MT4: variants seen among roughly 807,000 people sequenced by gnomAD.
The protein encoded by MT4 is metallothionein 4, also known as metallothionein-4.
In MT4, 11 loss-of-function variants were observed where a neutral mutation model predicts 9.5. That is an observed-to-expected ratio of 1.16 (90% CI 0.73 to 1.92). MT4 has a LOEUF of 1.92. Among genes scored for constraint, MT4 ranks in the 30% most tolerant of loss-of-function variants. MT4 has a pLI of 0.00. For missense variants in MT4, 88 were observed against 78.7 expected (o/e 1.12, Z -0.45); for synonymous variants, 29 against 24.6 (o/e 1.18, Z -0.53).
At chr16:56,568,434 G>A (rs1490889938) in intron 2 of MT4, among the ~76,000 whole-genome samples, 1 of 152,058 alleles carries the variant, frequency 6.6e-6, no homozygotes, top group African/African-American at 2.4e-5. Flanking sequence ...GATCTGAAAT[G>A]AGAACTATGT....
Position 56,568,846 on chromosome 16 carries a change from T to C in MT4, c.103T>C (p.Cys35Arg). Residue 35 changes from cysteine (C) to arginine (R), a missense_variant, in exon 3 of 3, where the codon TGT (cysteine) becomes CGT (arginine). Physicochemically the swap from Cys to Arg is radical, Grantham distance 180. Transcript: ENST00000219162. ...CNCKTYWKSCCPCCPPGCAKC... is the reference protein window; with the variant it reads ...CNCKTYWKSCRPCCPPGCAKC... ...GCATCTCCTGACTCTTTCAGGCTGC[T>C]GTCCCTGCTGCCCCCCGGGCTGTGC... 1 of 1,600,958 alleles carries C rather than the reference T, an allele frequency of 6.2e-7. No individual in the cohort carries two copies. Among genetic ancestry groups the C allele is most frequent in the Non-Finnish European group, 8.5e-7 (1 of 1,173,394 alleles).
Position 56,565,115 on chromosome 16 carries a change from C to G in MT4, c.-14C>G, listed in dbSNP as rs775431650. On this transcript the variant is annotated 5_prime_UTR_variant, in exon 1 of 3. Coordinates refer to ENST00000219162, the MANE Select transcript of MT4 (RefSeq NM_032935.3). The stretch of plus-strand genomic sequence containing the variant: ...CAGCCGTGACAGCACTGGAGCCTTT[C>G]GGACACCTGGACCATGGACCCCAGG... The G allele has an allele frequency of 6.2e-7, 1 of 1,613,242 alleles. No homozygotes were observed.
rs200521830 is a variant in MT4 at position 56,565,202 on chromosome 16, A to G, written c.31+43A>G. ...CCCTGGGGTCTGGGAACCTTGGACCAGCTTCCTACAGGGAGCCTGCAGGTC... is the reference window on the plus strand; with the variant it reads ...CCCTGGGGTCTGGGAACCTTGGACCGGCTTCCTACAGGGAGCCTGCAGGTC... On this transcript the variant is annotated intron_variant, in intron 1 of 2. Coordinates refer to ENST00000219162, the MANE Select transcript of MT4 (RefSeq NM_032935.3). 358 of 1,596,536 alleles carry G rather than the reference A, an allele frequency of 2.2e-4. 2 individuals carry two copies. Among genetic ancestry groups the G allele is most frequent in the Non-Finnish European group, 2.8e-4 (330 of 1,172,042 alleles).
At chr16:56,565,837 G>A (rs1337574710) in intron 1 of MT4, among the ~76,000 whole-genome samples, 1 of 152,170 alleles carries the variant, frequency 6.6e-6, no homozygotes, top group East Asian at 1.9e-4. Context: ...GCTGAGGCAG[G>A]AGAATCACTT....
chr16:56,566,853 AAG>A (rs1959543230), intron 1 of MT4, among the ~76,000 whole-genome samples: 1 of 149,746 alleles, frequency 6.7e-6, no homozygotes, highest in African/African-American at 2.5e-5. Context: ...GAAAGAAAGA[AAG>A]AAATGAGGGA....
At chr16:56,568,260 AGAGAGAGAGAG>A (rs1959573630) in intron 2 of MT4, among the ~76,000 whole-genome samples, 1 of 81,762 alleles carries the variant, frequency 1.2e-5, no homozygotes, top group South Asian at 5.4e-4. Flanking sequence ...AGAAAGAAAG[AGAGAGAGAGAG>A]AGAAAGAAAG....
At chr16:56,566,725 A>AAGGAAGGAAG (rs1959526346) in intron 1 of MT4, among the ~76,000 whole-genome samples, 1 of 25,108 alleles carries the variant, frequency 4.0e-5, no homozygotes, top group African/African-American at 1.1e-4. Context: ...AAAGAAAGAA[A>AAGGAAGGAAG]GAAAGAAAGA....
intron 2 of MT4, among the ~76,000 whole-genome samples, chr16:56,568,215 GAAAGAAAGAA>G (rs1377684847): frequency 8.4e-5 from 2 of 23,792 alleles, no homozygotes; most frequent in African/African-American, 1.2e-4. Flanking sequence ...GAGAGAGAGA[GAAAGAAAGAA>G]AGAAAGAAAG....
chr16:56,566,769 GGAAAGAAAGAAAGAAAGAAAGAAAGAAA>G (rs1162747493), intron 1 of MT4, among the ~76,000 whole-genome samples: 7 of 36,936 alleles, frequency 1.9e-4, no homozygotes, highest in South Asian at 9.4e-4. Flanking sequence ...AAGGAAGGAA[GGAAAGAAAGAAAGAAAGAAAGAAAGAAA>G]GAAAGAAAGA....
At chr16:56,568,235 GAA>G (rs561544117) in intron 2 of MT4, among the ~76,000 whole-genome samples, 8,353 of 45,522 alleles carry the variant, frequency 0.18, 700 homozygotes, top group Non-Finnish European at 0.26. Context: ...AAGAAAGAAA[GAA>G]AGAAAGAAAG....
chr16:56,565,386 AG>A (rs1163494512), intron 1 of MT4, among the ~76,000 whole-genome samples: 5 of 152,310 alleles, frequency 3.3e-5, no homozygotes, highest in Admixed American at 6.5e-5. Context: ...AATGGCTGAG[AG>A]GGGGACTTGC....
intron 1 of MT4, among the ~76,000 whole-genome samples, chr16:56,565,721 A>G (rs1466721268): frequency 6.6e-6 from 1 of 152,132 alleles, no homozygotes; most frequent in East Asian, 1.9e-4. Flanking sequence ...AAGGAGAGAA[A>G]TCAGGGTTCA....
intron 1 of MT4, among the ~76,000 whole-genome samples, chr16:56,566,729 A>AAGGAAGGAAGGAAGGAAG (rs1959527121): frequency 4.0e-5 from 1 of 25,216 alleles, no homozygotes; most frequent in African/African-American, 1.0e-4. Flanking sequence ...AAAGAAAGAA[A>AAGGAAGGAAGGAAGGAAG]GAAAGAAAGA....
In MT4 at chr16:56,567,835, G is replaced by T; in HGVS notation, c.97+19G>T. ...TGGAAGAGTGAGTATGGTGACTGGG[G>T]GCACCATGGGCTGGGAGTTAGAAAA... On this transcript the variant is annotated intron_variant, in intron 2 of 2. Coordinates refer to ENST00000219162, the MANE Select transcript of MT4 (RefSeq NM_032935.3). 1 of 1,603,564 alleles carries T rather than the reference G, an allele frequency of 6.2e-7. No individual in the cohort carries two copies. Among genetic ancestry groups the T allele is most frequent in the Non-Finnish European group, 8.5e-7 (1 of 1,171,024 alleles).
At position 56,568,106 on chromosome 16, in the gene MT4, T is replaced by A. The variant is rs539998993; in HGVS notation, c.97+290T>A. Among the ~76,000 whole-genome samples the A allele has an allele frequency of 3.0e-4, 45 of 147,546 alleles. No individual in the cohort carries two copies. In the South Asian group the frequency reaches 7.5e-3, roughly 25 times the overall value. On this transcript the variant is annotated intron_variant, in intron 2 of 2. Transcript: ENST00000219162. ...AGGCAGAGGTTGCAGTGAGCAGAGA[T>A]CACACCATTGCACTCCAGCCTTGGT...
chr16:56,566,063 C>A (rs1597046306), intron 1 of MT4, among the ~76,000 whole-genome samples: 1 of 148,842 alleles, frequency 6.7e-6, no homozygotes, highest in African/African-American at 2.5e-5. Flanking sequence ...GACCCTTTCT[C>A]AAAAAAAAAG....
intron 1 of MT4, 37 bp from the exon 2 acceptor site, chr16:56,567,714 A>G: frequency 6.3e-7 from 1 of 1,598,690 alleles, no homozygotes; most frequent in Non-Finnish European, 8.6e-7. Context: ...CTCCATCTCC[A>G]TCCTCACGTT....
chr16:56,568,954 C>G lies in MT4; in HGVS notation c.*22C>G. 17 of 1,564,790 alleles carry G rather than the reference C, an allele frequency of 1.1e-5. No homozygotes were observed. The highest frequency in any genetic ancestry group is 1.4e-5 in the Non-Finnish European group (16 of 1,152,242). On this transcript the variant is annotated 3_prime_UTR_variant, in exon 3 of 3. Coordinates refer to ENST00000219162, the MANE Select transcript of MT4 (RefSeq NM_032935.3). Reference sequence around the variant, plus strand: ...ATGAAAGCCATCCATCGTGCCCACCCCTTCCAAGGAGAGAAACCTGGGAAG... The same window carrying G: ...ATGAAAGCCATCCATCGTGCCCACCGCTTCCAAGGAGAGAAACCTGGGAAG...
At chr16:56,565,218 C>T (rs1473413782) in intron 1 of MT4, 59 bp downstream of exon 1, 73 of 1,561,818 alleles carry the variant, frequency 4.7e-5, no homozygotes, top group Admixed American at 2.1e-4. Context: ...CTACAGGGAG[C>T]CTGCAGGTCC....
Sources: gnomAD v4.1 joint callset for allele counts (sites outside exome capture counted in the v4.1 genomes callset) on GRCh38, gnomAD v4.1.1 for gene constraint, MANE v1.5 for transcripts, NCBI Gene and HGNC (gene_info 2026-07-23, HGNC 2026-07-21) for gene names.